The following SLC25A48 variants were observed in gnomAD, a reference collection of about 807,000 sequenced individuals.
SLC25A48 encodes CTC-321K16.1.
SLC25A48 carries 29 observed loss-of-function variants against 32.2 expected under a neutral mutation model. That is an observed-to-expected ratio of 0.90 (90% CI 0.67 to 1.23). The LOEUF (loss-of-function observed/expected upper bound fraction) is 1.23, where lower values mean the gene tolerates loss of function less well. Ranked by LOEUF, SLC25A48 falls within the 50% of genes most tolerant of loss-of-function variation. The pLI, the probability that SLC25A48 is intolerant of heterozygous loss-of-function variation, is 0.00. For missense variants in SLC25A48, 399 were observed against 422.7 expected (o/e 0.94, Z 0.49); for synonymous variants, 164 against 172.3 (o/e 0.95, Z 0.38).
intron 5 of SLC25A48, among the ~76,000 whole-genome samples, chr5:135,873,751 A>T (rs1000109610): frequency 6.6e-6 from 1 of 152,180 alleles, no homozygotes; most frequent in Non-Finnish European, 1.5e-5. Flanking sequence ...TCATCAATTC[A>T]TTTGGTCCTC....
chr5:135,823,490 T>G (rs1757944163), intron 4 of SLC25A48, among the ~76,000 whole-genome samples: 1 of 152,232 alleles, frequency 6.6e-6, no homozygotes, highest in African/African-American at 2.4e-5. Flanking sequence ...TCTTTTTGTC[T>G]GCCTCTTTCC....
At chr5:135,859,338 A>G in intron 4 of SLC25A48, among the ~76,000 whole-genome samples, 1 of 152,148 alleles carries the variant, frequency 6.6e-6, no homozygotes, top group East Asian at 1.9e-4. Context: ...TAAAACCATC[A>G]GATCTCATGA....
At chr5:135,755,558 CT>C (rs1674079310) in intron 3 of SLC25A48, among the ~76,000 whole-genome samples, 10 of 151,686 alleles carry the variant, frequency 6.6e-5, no homozygotes, top group Admixed American at 6.6e-4. Context: ...TGTCAACACA[CT>C]ATGGTGTTAA....
chr5:135,689,751 C>T (rs1754101545), intron 3 of SLC25A48, among the ~76,000 whole-genome samples: 1 of 152,206 alleles, frequency 6.6e-6, no homozygotes, highest in Non-Finnish European at 1.5e-5. Flanking sequence ...TTGTGCAAGA[C>T]ATTTCCCGAA....
intron 1 of SLC25A48, chr5:135,579,669 T>G (rs1194997226): frequency 6.6e-6 from 1 of 152,306 alleles, no homozygotes; most frequent in Non-Finnish European, 1.5e-5. Context: ...GGAAAGCTCC[T>G]TAAAGTGGGT....
chr5:135,789,004 G>A (rs1035335350), intron 3 of SLC25A48, among the ~76,000 whole-genome samples: 4 of 151,530 alleles, frequency 2.6e-5, no homozygotes, highest in Non-Finnish European at 5.9e-5. Flanking sequence ...ATATCCATGA[G>A]TAGGAGAGGG....
intron 3 of SLC25A48, among the ~76,000 whole-genome samples, chr5:135,702,958 G>A (rs969667324): frequency 6.6e-6 from 1 of 152,178 alleles, no homozygotes; most frequent in Non-Finnish European, 1.5e-5. Context: ...TTCTTTTTGA[G>A]TGAATGTACT....
In SLC25A48 at chr5:135,784,843, C is replaced by T. The variant is rs1274285540; in HGVS notation, c.-520-27680C>T. On this transcript the variant is annotated intron_variant, in intron 3 of 10. Transcript: ENST00000646290. ...CTCCCAATATCGTAAGAAATGTATA[C>T]CTCCCCTGTGATATTGACTGTAATA... Among the ~76,000 whole-genome samples, 2 of 118,318 alleles carry T rather than the reference C, an allele frequency of 1.7e-5. 1 individual carries two copies. Among genetic ancestry groups the T allele is most frequent in the Non-Finnish European group, 4.2e-5 (2 of 47,986 alleles). The allele number at this position is 118,318 out of a possible 152,430, so 77.6% of individuals were successfully genotyped here.
chr5:135,675,512 A>G (rs922134181), intron 3 of SLC25A48, among the ~76,000 whole-genome samples: 1 of 152,046 alleles, frequency 6.6e-6, no homozygotes, highest in Non-Finnish European at 1.5e-5. Flanking sequence ...CAGTTGCTGT[A>G]AATACGTGGA....
At chr5:135,712,970 A>G (rs1012967310) in intron 3 of SLC25A48, among the ~76,000 whole-genome samples, 3 of 152,212 alleles carry the variant, frequency 2.0e-5, no homozygotes, top group Non-Finnish European at 2.9e-5. Flanking sequence ...CCACCCCATC[A>G]AAACTTATCC....
intron 6 of SLC25A48, among the ~76,000 whole-genome samples, chr5:135,878,981 A>G (rs377301888): frequency 3.9e-4 from 60 of 152,304 alleles, no homozygotes; most frequent in African/African-American, 1.3e-3. Context: ...TAACTGCTTG[A>G]GAGTTGGAAT....
At chr5:135,688,671 A>G (rs1754074689) in intron 3 of SLC25A48, among the ~76,000 whole-genome samples, 3 of 152,206 alleles carry the variant, frequency 2.0e-5, no homozygotes. Context: ...CATTCATCCC[A>G]TGCAATGGGA....
intron 1 of SLC25A48, among the ~76,000 whole-genome samples, chr5:135,624,720 T>G (rs1257967573): frequency 6.6e-6 from 1 of 152,236 alleles, no homozygotes; most frequent in Non-Finnish European, 1.5e-5. Context: ...TGGTGCTTGT[T>G]TGAAGCGCGT....
chr5:135,842,941 C>A (rs1396454364), intron 2 of SLC25A48, among the ~76,000 whole-genome samples: 1 of 152,212 alleles, frequency 6.6e-6, no homozygotes, highest in East Asian at 1.9e-4. Flanking sequence ...TAAATTGTGC[C>A]TCCTCACTGC....
chr5:135,887,436 A>G (rs1033320187), intron 7 of SLC25A48, among the ~76,000 whole-genome samples: 6 of 151,872 alleles, frequency 4.0e-5, no homozygotes, highest in African/African-American at 7.3e-5. Flanking sequence ...GCTGCCCTAC[A>G]GGGGAAAAAA....
At chr5:135,748,563 C>A (rs571931901) in intron 3 of SLC25A48, among the ~76,000 whole-genome samples, 1 of 151,904 alleles carries the variant, frequency 6.6e-6, no homozygotes, top group African/African-American at 2.4e-5. Context: ...CATGAGCCAC[C>A]GTGCCCTGCT....
intron 1 of SLC25A48, among the ~76,000 whole-genome samples, chr5:135,841,596 T>C (rs1758995396): frequency 6.6e-6 from 1 of 152,136 alleles, no homozygotes; most frequent in Non-Finnish European, 1.5e-5. Flanking sequence ...CAAAGCAAGA[T>C]CTTTTCATAC....
upstream of SLC25A48, among the ~76,000 whole-genome samples, chr5:135,834,387 A>G (rs1758326499): frequency 6.6e-6 from 1 of 152,236 alleles, no homozygotes; most frequent in Non-Finnish European, 1.5e-5. Flanking sequence ...GAGAGTCCAC[A>G]GCTGATTGGA....
At chr5:135,669,315 C>T (rs942436202) in intron 3 of SLC25A48, among the ~76,000 whole-genome samples, 1 of 152,102 alleles carries the variant, frequency 6.6e-6, no homozygotes, top group Non-Finnish European at 1.5e-5. Context: ...GGAAAGGACA[C>T]TTCTGGATAG....
Sources: gnomAD v4.1 joint callset for allele counts (sites outside exome capture counted in the v4.1 genomes callset) on GRCh38, gnomAD v4.1.1 for gene constraint, MANE v1.5 for transcripts, NCBI Gene and HGNC (gene_info 2026-07-23, HGNC 2026-07-21) for gene names.